ZUP1: variants seen among roughly 807,000 people sequenced by gnomAD.
ZUP1 encodes the protein zinc finger-containing ubiquitin peptidase 1.
ZUP1 carries 55 observed loss-of-function variants against 68.1 expected under a neutral mutation model. The observed-to-expected ratio is 0.81, with a 90% CI of 0.65 to 1.01. The LOEUF (loss-of-function observed/expected upper bound fraction) is 1.01, where lower values mean the gene tolerates loss of function less well. Ranked by LOEUF, ZUP1 falls within the 50% of genes least tolerant of loss-of-function variation. The probability of loss-of-function intolerance (pLI) is 0.00; values close to 1 mark genes in which losing one functional copy is unlikely to be tolerated. For missense variants in ZUP1, 684 were observed against 674.9 expected, an observed-to-expected ratio of 1.01 and a Z score of -0.15; for synonymous variants, 223 against 221.5, an observed-to-expected ratio of 1.01 and a Z score of -0.06.
intron 7 of ZUP1, among the ~76,000 whole-genome samples, chr6:116,649,060 A>T (rs1776400474): frequency 6.6e-6 from 1 of 152,110 alleles, no homozygotes. Flanking sequence ...AAGTGTGAAC[A>T]CATTGGCAAA....
At chr6:116,661,027 C>T (rs887972194) in intron 2 of ZUP1, among the ~76,000 whole-genome samples, 181 bp from the exon 3 acceptor site, 1 of 151,456 alleles carries the variant, frequency 6.6e-6, no homozygotes, top group African/African-American at 2.4e-5. Context: ...TAAAGGCATG[C>T]GCCACCACGC....
At chr6:116,644,869 G>A (rs1304427448) in intron 9 of ZUP1, among the ~76,000 whole-genome samples, 1 of 150,548 alleles carries the variant, frequency 6.6e-6, no homozygotes, top group African/African-American at 2.5e-5. Context: ...AATAAAAAAA[G>A]AAGAAGAAGA....
chr6:116,641,660 T>C (rs1776104542), intron 9 of ZUP1, among the ~76,000 whole-genome samples: 2 of 151,856 alleles, frequency 1.3e-5, no homozygotes, highest in East Asian at 1.9e-4. Flanking sequence ...AGACACAACA[T>C]AACACAATCT....
At chr6:116,663,455 C>T (rs1285832527) in intron 2 of ZUP1, among the ~76,000 whole-genome samples, 1 of 152,128 alleles carries the variant, frequency 6.6e-6, no homozygotes, top group Non-Finnish European at 1.5e-5. Flanking sequence ...ATTCAGACTC[C>T]TAAGACTACC....
intron 5 of ZUP1, among the ~76,000 whole-genome samples, chr6:116,653,194 T>G (rs1053896368): frequency 6.6e-6 from 1 of 152,040 alleles, no homozygotes; most frequent in Non-Finnish European, 1.5e-5. Flanking sequence ...TGTTTCAAAA[T>G]TATAGATCCT....
intron 1 of ZUP1, among the ~76,000 whole-genome samples, chr6:116,667,633 C>G (rs1777051872): frequency 6.6e-6 from 1 of 152,110 alleles, no homozygotes; most frequent in Non-Finnish European, 1.5e-5. Context: ...GAGTTTAACA[C>G]TGTAAACTTA....
chr6:116,664,865 T>C (rs1459177485), intron 2 of ZUP1, among the ~76,000 whole-genome samples: 2 of 146,780 alleles, frequency 1.4e-5, no homozygotes, highest in Non-Finnish European at 1.5e-5. Flanking sequence ...AATATACACA[T>C]GTACACAAGT....
chr6:116,656,955 GT>G, intron 4 of ZUP1, 103 bp from the exon 5 acceptor site: 1 of 753,840 alleles, frequency 1.3e-6, no homozygotes, highest in Non-Finnish European at 2.0e-6. Context: ...AAACATTCTG[GT>G]TTATAGACTT....
chr6:116,657,069 A>G (rs1404629848), intron 4 of ZUP1, among the ~76,000 whole-genome samples: 1 of 152,190 alleles, frequency 6.6e-6, no homozygotes, highest in African/African-American at 2.4e-5. Context: ...CTTTATAATC[A>G]ATCTCCAGGG....
intron 9 of ZUP1, among the ~76,000 whole-genome samples, chr6:116,642,858 A>T (rs1776155037): frequency 6.6e-6 from 1 of 152,172 alleles, no homozygotes. Flanking sequence ...AGGAGAAGGA[A>T]ATAAAGGGTA....
Position 116,666,627 on chromosome 6 carries a change from AC to A in ZUP1, c.559+6del. ...ACTTATAATTTATAATGAAATGAAAACTTTACCTTCCAATGGAATGTCTAAA... is the reference window on the plus strand; with the variant it reads ...ACTTATAATTTATAATGAAATGAAAATTTACCTTCCAATGGAATGTCTAAA... On this transcript the variant is annotated splice_donor_region_variant and intron_variant, in intron 2 of 9. Coordinates refer to ENST00000368576, the MANE Select transcript of ZUP1 (RefSeq NM_145062.3). 6.5e-7 allele frequency: 1 copy of A among 1,539,652 alleles called. No homozygotes were observed. The highest frequency in any genetic ancestry group is 8.7e-7 in the Non-Finnish European group (1 of 1,147,032).
At chr6:116,640,552 G>T (rs1583359667) in intron 9 of ZUP1, among the ~76,000 whole-genome samples, 1 of 151,948 alleles carries the variant, frequency 6.6e-6, no homozygotes, top group African/African-American at 2.4e-5. Flanking sequence ...TTAAAGAAAA[G>T]AATTTTCAAC....
At chr6:116,660,637 T>C in intron 3 of ZUP1, 99 bp downstream of exon 3, 1 of 619,150 alleles carries the variant, frequency 1.6e-6, no homozygotes, top group South Asian at 2.9e-5. Context: ...AAAGATGTAT[T>C]TTAAAATATT....
intron 9 of ZUP1, 63 bp downstream of exon 9, chr6:116,645,650 TA>T: frequency 8.6e-7 from 1 of 1,160,354 alleles, no homozygotes; most frequent in Non-Finnish European, 1.2e-6. Context: ...GATTTTAAAC[TA>T]AAAGTTTTAA....
intron 3 of ZUP1, 51 bp from the exon 4 acceptor site, chr6:116,658,975 T>G: frequency 7.1e-7 from 1 of 1,411,764 alleles, no homozygotes; most frequent in South Asian, 1.4e-5. Flanking sequence ...CAATCAAAGA[T>G]TATTTATTAT....
chr6:116,662,941 A>C (rs1325771593), intron 2 of ZUP1, among the ~76,000 whole-genome samples: 2 of 152,142 alleles, frequency 1.3e-5, no homozygotes, highest in Non-Finnish European at 2.9e-5. Flanking sequence ...AAATGTTAAC[A>C]CCTGGATCAA....
chr6:116,639,678 A>C (rs1475333704), intron 9 of ZUP1, among the ~76,000 whole-genome samples: 1 of 152,120 alleles, frequency 6.6e-6, no homozygotes, highest in East Asian at 1.9e-4. Context: ...CACACCAAAA[A>C]CCCATCTGTA....
chr6:116,651,161 T>A (rs1008610138), intron 7 of ZUP1, among the ~76,000 whole-genome samples: 14 of 152,120 alleles, frequency 9.2e-5, no homozygotes, highest in African/African-American at 3.4e-4. Context: ...TTATAAATGA[T>A]TTTAGAAAAA....
chr6:116,661,847 T>C (rs1195051659), intron 2 of ZUP1, among the ~76,000 whole-genome samples: 1 of 152,172 alleles, frequency 6.6e-6, no homozygotes, highest in Non-Finnish European at 1.5e-5. Context: ...TTTGAATTGC[T>C]AAACTCACTG....
Sources: gnomAD v4.1 joint callset for allele counts (sites outside exome capture counted in the v4.1 genomes callset) on GRCh38, gnomAD v4.1.1 for gene constraint, MANE v1.5 for transcripts, NCBI Gene and HGNC (gene_info 2026-07-23, HGNC 2026-07-21) for gene names.